Variants in LRRC3B observed in about 807,000 individuals in gnomAD.
LRRC3B encodes leucine rich repeat containing 3B, also known as leucine-rich repeat-containing protein 3B.
In LRRC3B, 2 loss-of-function variants were observed where a neutral mutation model predicts 12.8. The observed-to-expected ratio is 0.16, with a 90% CI of 0.06 to 0.49. The LOEUF (loss-of-function observed/expected upper bound fraction) is 0.49. Ranked by LOEUF, LRRC3B falls within the 20% of genes least tolerant of loss-of-function variation. The pLI, the probability that LRRC3B is intolerant of heterozygous loss-of-function variation, is 0.96. For missense variants in LRRC3B, 189 were observed against 319.4 expected (o/e 0.59, Z 3.11); for synonymous variants, 132 against 122.0 (o/e 1.08, Z -0.54).
At chr3:26,653,703 G>T (rs529942828) in intron 1 of LRRC3B, among the ~76,000 whole-genome samples, 1 of 152,070 alleles carries the variant, frequency 6.6e-6, no homozygotes, top group African/African-American at 2.4e-5. Flanking sequence ...CTCTGAGTAC[G>T]GCTCAGGACC....
chr3:26,682,676 A>G (rs1314666886), intron 1 of LRRC3B, among the ~76,000 whole-genome samples: 2 of 152,204 alleles, frequency 1.3e-5, no homozygotes, highest in Non-Finnish European at 1.5e-5. Flanking sequence ...TGGGGCTGTC[A>G]TTCACTTTTA....
intron 1 of LRRC3B, among the ~76,000 whole-genome samples, chr3:26,630,579 G>C (rs889659225): frequency 6.6e-6 from 1 of 152,156 alleles, no homozygotes; most frequent in Non-Finnish European, 1.5e-5. Flanking sequence ...TGTGGCAGCT[G>C]TATTGTGATA....
chr3:26,686,250 T>G (rs1700086665), intron 1 of LRRC3B, among the ~76,000 whole-genome samples: 1 of 152,016 alleles, frequency 6.6e-6, no homozygotes, highest in African/African-American at 2.4e-5. Context: ...CGGCTAATTT[T>G]TTGTATTTTT....
chr3:26,707,988 G>A (rs894417956), intron 1 of LRRC3B, among the ~76,000 whole-genome samples: 9 of 152,138 alleles, frequency 5.9e-5, no homozygotes, highest in Non-Finnish European at 1.0e-4. Context: ...CCATTCTGCT[G>A]TTGCTAATCT....
intron 1 of LRRC3B, among the ~76,000 whole-genome samples, chr3:26,623,449 C>G (rs1698554723): frequency 6.6e-6 from 1 of 152,196 alleles, no homozygotes; most frequent in South Asian, 2.1e-4. Context: ...CCTGTTCAGC[C>G]GGCTGCTATA....
At chr3:26,707,229 G>A (rs1004487485) in intron 1 of LRRC3B, among the ~76,000 whole-genome samples, 2 of 151,510 alleles carry the variant, frequency 1.3e-5, no homozygotes, top group Admixed American at 6.6e-5. Flanking sequence ...GCTGGGCGTG[G>A]TGGTGTGTGC....
chr3:26,694,369 G>A (rs1411527135), intron 1 of LRRC3B, among the ~76,000 whole-genome samples: 6 of 152,276 alleles, frequency 3.9e-5, no homozygotes, highest in African/African-American at 1.2e-4. Flanking sequence ...TTAACAGGCT[G>A]ATATCCATTG....
At chr3:26,682,937 T>G (rs1700000573) in intron 1 of LRRC3B, among the ~76,000 whole-genome samples, 1 of 152,236 alleles carries the variant, frequency 6.6e-6, no homozygotes, top group South Asian at 2.1e-4. Flanking sequence ...TACCCTGTGT[T>G]TCTCTCACAG....
At chr3:26,673,719 T>G (rs1699800422) in intron 1 of LRRC3B, among the ~76,000 whole-genome samples, 1 of 152,134 alleles carries the variant, frequency 6.6e-6, no homozygotes, top group African/African-American at 2.4e-5. Flanking sequence ...GAGATCCCCC[T>G]CATATTATCT....
intron 1 of LRRC3B, among the ~76,000 whole-genome samples, chr3:26,636,888 T>TCC (rs1450254771): frequency 0.054 from 3,828 of 70,688 alleles, 663 homozygotes; most frequent in African/African-American, 0.18. Context: ...CTTCCTTCCT[T>TCC]TCTCTCTCTC....
intron 1 of LRRC3B, among the ~76,000 whole-genome samples, chr3:26,669,965 C>T (rs1241920013): frequency 6.6e-6 from 1 of 152,204 alleles, no homozygotes; most frequent in Admixed American, 6.5e-5. Flanking sequence ...TTTTCTTGAG[C>T]TTGATAATAT....
intron 1 of LRRC3B, among the ~76,000 whole-genome samples, chr3:26,631,269 A>T (rs1263189660): frequency 6.6e-6 from 1 of 152,216 alleles, no homozygotes; most frequent in East Asian, 1.9e-4. Context: ...AGCCTTGGCC[A>T]ATATCACCTG....
intron 1 of LRRC3B, among the ~76,000 whole-genome samples, chr3:26,687,089 T>C (rs1700103651): frequency 6.6e-6 from 1 of 152,132 alleles, no homozygotes; most frequent in Admixed American, 6.5e-5. Flanking sequence ...TGTCCACCAC[T>C]GAGAACAGGA....
At chr3:26,661,509 T>C (rs950994496) in intron 1 of LRRC3B, among the ~76,000 whole-genome samples, 6 of 152,182 alleles carry the variant, frequency 3.9e-5, no homozygotes, top group Admixed American at 1.3e-4. Flanking sequence ...TTGTATATCT[T>C]CCCTTTATAC....
intron 1 of LRRC3B, among the ~76,000 whole-genome samples, chr3:26,662,571 TAGAC>T (rs576759475): frequency 2.7e-3 from 406 of 152,220 alleles, no homozygotes; most frequent in Non-Finnish European, 4.6e-3. Context: ...GATAGATAGA[TAGAC>T]AGACAGACAG....
chr3:26,706,188 CCATT>C (rs1272282989), intron 1 of LRRC3B, among the ~76,000 whole-genome samples: 1 of 152,108 alleles, frequency 6.6e-6, no homozygotes, highest in African/African-American at 2.4e-5. Context: ...GGCACGAACT[CCATT>C]CATGATGGCT....
intron 1 of LRRC3B, among the ~76,000 whole-genome samples, chr3:26,684,317 C>T (rs955240148): frequency 3.9e-5 from 6 of 152,134 alleles, no homozygotes; most frequent in African/African-American, 9.7e-5. Flanking sequence ...AAGGACTATG[C>T]GATATTCAGA....
At chr3:26,685,517 CTCTCTCTATATATATA>C (rs1293397048) in intron 1 of LRRC3B, among the ~76,000 whole-genome samples, 51 of 53,524 alleles carry the variant, frequency 9.5e-4, no homozygotes, top group Middle Eastern at 0.012. Context: ...CTCTCTCTCT[CTCTCTCTATATATATA>C]TATATATATA....
intron 1 of LRRC3B, among the ~76,000 whole-genome samples, chr3:26,651,815 G>A (rs1699270517): frequency 6.6e-6 from 1 of 152,162 alleles, no homozygotes; most frequent in African/African-American, 2.4e-5. Context: ...AGTTCAGCCT[G>A]TAAGCCTAAT....
Sources: gnomAD v4.1 joint callset for allele counts (sites outside exome capture counted in the v4.1 genomes callset) on GRCh38, gnomAD v4.1.1 for gene constraint, MANE v1.5 for transcripts, NCBI Gene and HGNC (gene_info 2026-07-23, HGNC 2026-07-21) for gene names.